LRP5: variants seen among roughly 807,000 people sequenced by gnomAD.
LRP5 encodes the protein LDL receptor related protein 5, also known as low-density lipoprotein receptor-related protein 5.
A neutral mutation model predicts 154.1 loss-of-function variants in LRP5; 62 were observed. That is an observed-to-expected ratio of 0.40 (90% CI 0.33 to 0.50). The LOEUF is 0.50. LRP5 is among the 20% of genes least tolerant of loss of function. The pLI, the probability that LRP5 is intolerant of heterozygous loss-of-function variation, is 0.55. For missense variants in LRP5, 1,915 were observed against 2,336.7 expected (o/e 0.82, Z 3.72); for synonymous variants, 966 against 1,011.5 (o/e 0.96, Z 0.85).
rs71043425 is a variant in LRP5 at position 68,360,996 on chromosome 11, C to CA, written c.687-2724dup. Among the ~76,000 whole-genome samples, 20 of 15,756 alleles carry CA rather than the reference C, an allele frequency of 1.3e-3. 3 individuals carry two copies. Among genetic ancestry groups the CA allele is most frequent in the African/African-American group, 4.9e-3 (17 of 3,502 alleles). The allele number at this position is 15,756 out of a possible 152,430, so 10.3% of individuals were successfully genotyped here. A position where few individuals can be genotyped will look rare whatever the true frequency, so the allele number is the denominator to read the frequency against. Reference sequence around the variant, plus strand: ...TGGGCGACAGAGCAAGACTCTATCTCAAAAAAAAAAAAAAAAAAAAAAAAA... The same window carrying CA: ...TGGGCGACAGAGCAAGACTCTATCTCAAAAAAAAAAAAAAAAAAAAAAAAAA... On this transcript the variant is annotated intron_variant, in intron 3 of 22. Transcript: ENST00000294304.
At chr11:68,319,005 A>G (rs1466880782) in intron 1 of LRP5, among the ~76,000 whole-genome samples, 1 of 150,316 alleles carries the variant, frequency 6.7e-6, no homozygotes, top group African/African-American at 2.4e-5. Context: ...ATCGCTAGAG[A>G]TTGGGGGTGC....
chr11:68,331,638 G>A (rs183961037), intron 1 of LRP5, among the ~76,000 whole-genome samples: 192 of 152,190 alleles, frequency 1.3e-3, no homozygotes, highest in African/African-American at 3.3e-3. Flanking sequence ...ACCCCCAAAC[G>A]TGCCCCCTGT....
At chr11:68,399,855 T>C (rs780514242) in intron 7 of LRP5, among the ~76,000 whole-genome samples, 2 of 152,352 alleles carry the variant, frequency 1.3e-5, no homozygotes, top group Admixed American at 1.3e-4. Context: ...GAAGGCCACT[T>C]TGGGATTCCT....
chr11:68,424,119 G>T (rs534666639), intron 14 of LRP5, among the ~76,000 whole-genome samples: 3 of 152,196 alleles, frequency 2.0e-5, no homozygotes, highest in Non-Finnish European at 2.9e-5. Context: ...AGAGCTTCTG[G>T]TTGGTGGGAA....
At chr11:68,347,549 A>G (rs2098614136) in intron 1 of LRP5, among the ~76,000 whole-genome samples, 1 of 152,208 alleles carries the variant, frequency 6.6e-6, no homozygotes, top group Admixed American at 6.5e-5. Context: ...GGTTTTGGGC[A>G]TGGCAGGAAG....
intron 1 of LRP5, among the ~76,000 whole-genome samples, chr11:68,313,989 G>A (rs2098590984): frequency 6.6e-6 from 1 of 152,158 alleles, no homozygotes; most frequent in Non-Finnish European, 1.5e-5. Flanking sequence ...TCTGACCCAA[G>A]CCTAGAGATT....
chr11:68,440,201 G>A (rs1205813745), intron 21 of LRP5, among the ~76,000 whole-genome samples: 1 of 152,244 alleles, frequency 6.6e-6, no homozygotes, highest in East Asian at 1.9e-4. Context: ...GGCCGTCTGT[G>A]TTCCGCACGG....
intron 8 of LRP5, 128 bp from the exon 9 acceptor site, chr11:68,406,396 G>A (rs1157425693): frequency 1.5e-5 from 15 of 1,001,808 alleles, no homozygotes; most frequent in Admixed American, 1.4e-4. Flanking sequence ...CCTGACCCGG[G>A]GGTGAGTCCT....
chr11:68,337,800 G>T (rs2098606536), intron 1 of LRP5, among the ~76,000 whole-genome samples: 1 of 151,390 alleles, frequency 6.6e-6, no homozygotes, highest in Non-Finnish European at 1.5e-5. Context: ...CAACAGCCAG[G>T]TGTACCCATA....
At chr11:68,437,660 G>A (rs561807400) in intron 19 of LRP5, among the ~76,000 whole-genome samples, 21 of 152,336 alleles carry the variant, frequency 1.4e-4, no homozygotes, top group Non-Finnish European at 1.3e-4. Context: ...GGCTGCAGTC[G>A]GGAGAGAAGT....
At chr11:68,405,759 A>T (rs761996779) in intron 8 of LRP5, among the ~76,000 whole-genome samples, 28 of 152,372 alleles carry the variant, frequency 1.8e-4, no homozygotes, top group South Asian at 8.3e-4. Context: ...CAGACTGGCC[A>T]AAAATAAACG....
At chr11:68,355,223 G>A (rs1032445825) in intron 2 of LRP5, among the ~76,000 whole-genome samples, 5 of 152,156 alleles carry the variant, frequency 3.3e-5, no homozygotes, top group African/African-American at 1.2e-4. Flanking sequence ...ACCCCCAGAG[G>A]GCAAAGCGGG....
In LRP5 at chr11:68,411,538, C is replaced by A. The variant is rs138051657; in HGVS notation, c.2421C>A (p.Asn807Lys). ...TGGTGGACAAGGTGGGCCGGGCCAA[C>A]GACCTCACCATTGACTACGCTGACC... ...MTLVDKVGRANDLTIDYADQR... is the reference protein window; with the variant it reads ...MTLVDKVGRAKDLTIDYADQR... Residue 807 changes from asparagine (N) to lysine (K), a missense_variant, in exon 11 of 23, where the codon AAC becomes AAA. Around this residue, in one of 3 missense-constraint regions of LRP5, gnomAD observed 1,094 missense variants for 1,210.1 expected, o/e 0.90. Coordinates refer to ENST00000294304, the MANE Select transcript of LRP5 (RefSeq NM_002335.4). 1.2e-6 allele frequency: 2 copies of A among 1,613,830 alleles called. No homozygotes were observed. Among genetic ancestry groups the A allele is most frequent in the Non-Finnish European group, 1.7e-6 (2 of 1,180,042 alleles).
chr11:68,341,543 G>A (rs958883954), intron 1 of LRP5, among the ~76,000 whole-genome samples: 1 of 152,150 alleles, frequency 6.6e-6, no homozygotes, highest in African/African-American at 2.4e-5. Context: ...TCTGGGGGCT[G>A]TGTAGCTGTG....
intron 1 of LRP5, among the ~76,000 whole-genome samples, chr11:68,315,854 C>T (rs2098592992): frequency 6.6e-6 from 1 of 152,122 alleles, no homozygotes; most frequent in Admixed American, 6.5e-5. Flanking sequence ...GCAGCGGAAG[C>T]TTCTGGAAGG....
At position 68,392,018 on chromosome 11, in the gene LRP5, A is replaced by G. The variant is rs2098646623; in HGVS notation, c.1584+1966A>G. On this transcript the variant is annotated intron_variant, in intron 7 of 22. Transcript: ENST00000294304. Reference sequence around the variant, plus strand: ...CACCACACCCAGCTAGTTTTTGTGTATTTTTTGTGGGGGGAGATGGGGTTT... The same window carrying G: ...CACCACACCCAGCTAGTTTTTGTGTGTTTTTTGTGGGGGGAGATGGGGTTT... 2.6e-5 allele frequency among the ~76,000 whole-genome samples: 4 copies of G among 151,938 alleles called. No homozygotes were observed. In the South Asian group the frequency reaches 6.2e-4, roughly 24 times the overall value.
In LRP5 at chr11:68,347,861, C is replaced by G; in HGVS notation, c.106C>G (p.Leu36Val). The G allele has an allele frequency of 1.2e-6, 2 of 1,613,560 alleles. No homozygotes were observed. The highest frequency in any genetic ancestry group is 1.1e-5 in the South Asian group (1 of 91,086). The change falls in exon 2 of 23, where the codon CTA becomes GTA. Residue 36 changes from leucine (L) to valine (V), a missense_variant. Leu to Val is a conservative substitution (Grantham distance 32, BLOSUM62 1). This residue lies in a region of LRP5 where 773 missense variants were observed against 1,100.9 expected (regional missense o/e 0.70). Coordinates refer to ENST00000294304, the MANE Select transcript of LRP5 (RefSeq NM_002335.4). ...PAPAAASPLL[L>V]FANRRDVRLV... ...CTGCCCCACAGCCTCGCCGCTCCTG[C>G]TATTTGCCAACCGCCGGGACGTACG...
At chr11:68,317,802 G>A (rs2098594321) in intron 1 of LRP5, among the ~76,000 whole-genome samples, 1 of 152,104 alleles carries the variant, frequency 6.6e-6, no homozygotes, top group Non-Finnish European at 1.5e-5. Context: ...CTGGGCGACT[G>A]TGCCTCTTTC....
chr11:68,317,066 G>C (rs2098593843), intron 1 of LRP5, among the ~76,000 whole-genome samples: 1 of 152,248 alleles, frequency 6.6e-6, no homozygotes, highest in South Asian at 2.1e-4. Flanking sequence ...CTCTGTGCCA[G>C]GCCGCCCTGG....
Sources: gnomAD v4.1 joint callset for allele counts (sites outside exome capture counted in the v4.1 genomes callset) on GRCh38, gnomAD v4.1.1 for gene constraint, gnomAD v4.1.1 regional missense constraint, MANE v1.5 for transcripts, NCBI Gene and HGNC (gene_info 2026-07-23, HGNC 2026-07-21) for gene names.